The following TSC1 variants were observed in gnomAD, a reference collection of about 807,000 sequenced individuals.
The protein encoded by TSC1 is TSC complex subunit 1.
In TSC1, 20 loss-of-function variants were observed where a neutral mutation model predicts 124.3. That is an observed-to-expected ratio of 0.16 (90% confidence interval 0.11 to 0.23). The LOEUF (loss-of-function observed/expected upper bound fraction) is 0.23. Among genes scored for constraint, TSC1 ranks in the 10% least tolerant of loss-of-function variants. The probability of loss-of-function intolerance (pLI) is 1.00; values close to 1 mark genes in which losing one functional copy is unlikely to be tolerated. For missense variants in TSC1, 1,124 were observed against 1,448.5 expected (o/e 0.78, Z 3.64); for synonymous variants, 493 against 539.1 (o/e 0.91, Z 1.19).
At chr9:132,927,459 T>C (rs1306375487) in intron 3 of TSC1, among the ~76,000 whole-genome samples, 155 bp from the exon 4 acceptor site, 1 of 151,746 alleles carries the variant, frequency 6.6e-6, no homozygotes, top group African/African-American at 2.4e-5. Context: ...AATTTAATAA[T>C]AAGATATTCC....
At chr9:132,898,497 G>C (rs1845203303) in intron 20 of TSC1, among the ~76,000 whole-genome samples, 1 of 152,200 alleles carries the variant, frequency 6.6e-6, no homozygotes, top group Non-Finnish European at 1.5e-5. Context: ...CCTTGATGCT[G>C]TCTGGTAAGC....
At chr9:132,927,427 A>G in intron 3 of TSC1, 123 bp from the exon 4 acceptor site, 1 of 872,642 alleles carries the variant, frequency 1.1e-6, no homozygotes. Context: ...AGTTTTGTGC[A>G]GCATTACAGT....
intron 3 of TSC1, among the ~76,000 whole-genome samples, chr9:132,928,276 G>T (rs1455842611): frequency 6.6e-6 from 1 of 152,130 alleles, no homozygotes; most frequent in African/African-American, 2.4e-5. Context: ...GGCCCAAATG[G>T]TATGTGTTTT....
In TSC1 at chr9:132,896,426, T is replaced by A. The variant is rs2131595437; in HGVS notation, c.3304A>T (p.Ser1102Cys). Reference protein sequence around the residue: ...ARELFRNKSESQCDEDGMTSS... With the variant: ...ARELFRNKSECQCDEDGMTSS... Reference sequence around the variant, plus strand: ...GTCATGCCGTCCTCATCACACTGGCTCTCGCTCTTATTACGAAATAACTCT... The same window carrying A: ...GTCATGCCGTCCTCATCACACTGGCACTCGCTCTTATTACGAAATAACTCT... Residue 1102 changes from serine (S) to cysteine (C), a missense_variant, in exon 23 of 23, where the codon AGC becomes TGC. Physicochemically the swap from Ser to Cys is moderately radical, Grantham distance 112 (BLOSUM62 -1). Coordinates refer to ENST00000298552, the MANE Select transcript of TSC1 (RefSeq NM_000368.5). This position sits in a 1 kb window ranked among gnomAD's most constrained non-coding sequence, Gnocchi z 4.5. 6.2e-7 allele frequency: 1 copy of A among 1,614,212 alleles called. No individual in the cohort carries two copies.
intron 1 of TSC1, 124 bp downstream of exon 1, chr9:132,944,419 G>C (rs1847954813): frequency 2.5e-6 from 1 of 395,822 alleles, no homozygotes; most frequent in Non-Finnish European, 4.5e-6. Context: ...CCTTCCCCGG[G>C]ATCCCTACCA....
In TSC1 at chr9:132,900,724, A is replaced by G. The variant is rs1804825419; in HGVS notation, c.2616T>C (p.Asp872=). ...YLEQLQNKHS[D]TTKEVEMMKA... ...CCGAGCCCTGGCATACCTTTGTGGT[A>G]TCTGAGTGCTTGTTCTGCAGTTGTT... The change falls in exon 20 of 23, where the codon GAT becomes GAC. Residue 872 remains aspartate, a synonymous_variant. Coordinates refer to ENST00000298552, the MANE Select transcript of TSC1 (RefSeq NM_000368.5). 6.2e-7 allele frequency: 1 copy of G among 1,614,044 alleles called. No individual in the cohort carries two copies. Among genetic ancestry groups the G allele is most frequent in the African/African-American group, 1.3e-5 (1 of 74,926 alleles).
At chr9:132,910,474 T>C (rs568929510) in intron 12 of TSC1, 97 bp downstream of exon 12, 1 of 1,601,926 alleles carries the variant, frequency 6.2e-7, no homozygotes, top group Non-Finnish European at 8.5e-7. Context: ...GCATTTTAGG[T>C]CAGAATTCTA....
chr9:132,923,520 C>T lies in TSC1; in HGVS notation c.364-28G>A, dbSNP rs528234729. 9.3e-5 allele frequency: 150 copies of T among 1,613,874 alleles called. No individual in the cohort carries two copies. The South Asian group carries it at 1.1e-3, about 12-fold the overall frequency. ...GCAGGAGAAAAGGTCAAACAGGAAA[C>T]GTCTGTCAGGCACTGGCACCAGGAT... is the stretch of plus-strand genomic sequence containing the variant. On this transcript the variant is annotated intron_variant, in intron 5 of 22. Coordinates refer to ENST00000298552, the MANE Select transcript of TSC1 (RefSeq NM_000368.5). The surrounding 1 kb of genome is among the most constrained non-coding windows in gnomAD (Gnocchi z 4.2).
rs1845041488 is a variant in TSC1 at position 132,896,381 on chromosome 9, G to C, written c.3349C>G (p.Leu1117Val). Residue 1117 changes from leucine (L) to valine (V), a missense_variant, in exon 23 of 23, where the codon CTA (leucine) becomes GTA (valine). By Grantham distance (32) the Leu-to-Val change is conservative (BLOSUM62 1). Around this residue, in one of 5 missense-constraint regions of TSC1, gnomAD observed 325 missense variants for 383.4 expected, o/e 0.85. Transcript: ENST00000298552. The surrounding 1 kb of genome is among the most constrained non-coding windows in gnomAD (Gnocchi z 4.5). ...AAGTCTTTGCCCAGTTCTGTCTTTA[G>C]GCTCTCAGAAAGGCTACTGGTCATG... Reference protein sequence around the residue: ...DGMTSSLSESLKTELGKDLGV... With the variant: ...DGMTSSLSESVKTELGKDLGV... 1.2e-6 allele frequency: 2 copies of C among 1,614,070 alleles called. No homozygotes were observed. Among genetic ancestry groups the C allele is most frequent in the Non-Finnish European group, 1.7e-6 (2 of 1,180,046 alleles).
chr9:132,901,891 C>A (rs1004565911), intron 18 of TSC1, 192 bp from the exon 19 acceptor site: 8 of 580,114 alleles, frequency 1.4e-5, no homozygotes, highest in Non-Finnish European at 1.8e-5. Context: ...TACTGTTTAA[C>A]AAAAGAAAAA....
chr9:132,897,417 A>G lies in TSC1; in HGVS notation c.2813+6T>C, dbSNP rs1845135110. 6.2e-7 allele frequency: 1 copy of G among 1,614,220 alleles called. No homozygotes were observed. Among genetic ancestry groups the G allele is most frequent in the South Asian group, 1.1e-5 (1 of 91,082 alleles). ...AAACACAAAAGCCTTTCCTGATGAA[A>G]GTTACCTTGCCTGGAGTTTGACATC... On this transcript the variant is annotated splice_donor_region_variant and intron_variant, in intron 21 of 22. Transcript: ENST00000298552.
chr9:132,927,123 A>T, intron 4 of TSC1, 78 bp downstream of exon 4: 2 of 1,346,386 alleles, frequency 1.5e-6, no homozygotes, highest in Non-Finnish European at 2.1e-6. Flanking sequence ...GCTCAGGACA[A>T]GTTGCACAGT....
At chr9:132,927,812 G>A (rs565589791) in intron 3 of TSC1, among the ~76,000 whole-genome samples, 5 of 152,180 alleles carry the variant, frequency 3.3e-5, no homozygotes, top group South Asian at 4.2e-4. Flanking sequence ...GGCGTGAGCC[G>A]CCACACCTGG....
At chr9:132,939,132 TGTTAA>T (rs1433137338) in intron 1 of TSC1, 5 of 152,204 alleles carry the variant, frequency 3.3e-5, no homozygotes, top group Admixed American at 1.3e-4. Flanking sequence ...AATGTTACAC[TGTTAA>T]GTTAATGTTC....
At chr9:132,933,771 G>A (rs1000395877) in intron 2 of TSC1, among the ~76,000 whole-genome samples, 2 of 152,056 alleles carry the variant, frequency 1.3e-5, no homozygotes, top group African/African-American at 2.4e-5. Flanking sequence ...AATTACTATC[G>A]TGAAAAATGT....
chr9:132,918,339 T>A (rs981949176), intron 8 of TSC1, among the ~76,000 whole-genome samples: 3 of 152,130 alleles, frequency 2.0e-5, no homozygotes, highest in African/African-American at 7.2e-5. Context: ...ATGAGGAACT[T>A]ATAGCATCTG....
intron 10 of TSC1, 158 bp from the exon 11 acceptor site, chr9:132,911,271 T>C (rs1182867984): frequency 1.2e-6 from 1 of 803,416 alleles, no homozygotes; most frequent in Non-Finnish European, 2.2e-6. Flanking sequence ...ATTTTGTAAA[T>C]CAAGACTTCA....
chr9:132,904,604 G>A (rs1845559337), intron 15 of TSC1, 150 bp from the exon 16 acceptor site: 1 of 804,504 alleles, frequency 1.2e-6, no homozygotes, highest in Non-Finnish European at 2.1e-6. Flanking sequence ...TCCACAGAGA[G>A]TTAGAGGAGA....
rs1235657856 is a variant in TSC1 at position 132,896,508 on chromosome 9, G to C, written c.3222C>G (p.Ile1074Met). ...TGGGAAGTGAGCCCACAGTGGTGGG[G>C]ATGCTGGCAGACGCTTCTCCCATAG... ...ETTMGEASAS[I>M]PTTVGSLPSS... Residue 1074 changes from isoleucine (I) to methionine (M), a missense_variant, in exon 23 of 23, where the codon ATC becomes ATG. By Grantham distance (10) the Ile-to-Met change is conservative (BLOSUM62 1). This residue lies in a region of TSC1 where 325 missense variants were observed against 383.4 expected (regional missense o/e 0.85). Coordinates refer to ENST00000298552, the MANE Select transcript of TSC1 (RefSeq NM_000368.5). The surrounding 1 kb of genome is among the most constrained non-coding windows in gnomAD (Gnocchi z 4.5). 1 of 1,614,126 alleles carries C rather than the reference G, an allele frequency of 6.2e-7. No individual in the cohort carries two copies. The highest frequency in any genetic ancestry group is 8.5e-7 in the Non-Finnish European group (1 of 1,180,054).
Sources: gnomAD v4.1 joint callset for allele counts (sites outside exome capture counted in the v4.1 genomes callset) on GRCh38, gnomAD v4.1.1 for gene constraint, gnomAD v4.1.1 regional missense constraint, Gnocchi (gnomAD v3.1) non-coding constraint, MANE v1.5 for transcripts, NCBI Gene and HGNC (gene_info 2026-07-23, HGNC 2026-07-21) for gene names.